Variants in TENM3 observed in about 807,000 individuals in gnomAD.
TENM3 encodes the protein teneurin transmembrane protein 3.
A neutral mutation model predicts 255.1 loss-of-function variants in TENM3; 63 were observed. That is an observed-to-expected ratio of 0.25 (90% CI 0.20 to 0.30). The LOEUF (loss-of-function observed/expected upper bound fraction) is 0.30, where lower values mean the gene tolerates loss of function less well. TENM3 is among the 10% of genes least tolerant of loss of function. The probability of loss-of-function intolerance (pLI) is 1.00; values close to 1 mark genes in which losing one functional copy is unlikely to be tolerated. For synonymous variants in TENM3, 1,306 were observed against 1,322.3 expected, an observed-to-expected ratio of 0.99 and a Z score of 0.27; for missense variants, 2,929 against 3,461.1, an observed-to-expected ratio of 0.85 and a Z score of 3.86.
the TENM3 span, among the ~76,000 whole-genome samples, chr4:181,673,886 G>C: frequency 6.8e-6 from 1 of 146,646 alleles, no homozygotes; most frequent in African/African-American, 2.5e-5. Context: ...GTGTGTGTGT[G>C]TGTGTTTTAG....
the TENM3 span, among the ~76,000 whole-genome samples, chr4:181,844,621 T>A: frequency 6.6e-6 from 1 of 150,616 alleles, no homozygotes; most frequent in Admixed American, 6.6e-5. Context: ...TGAGCTGAGA[T>A]CACACCACTG....
At chr4:182,173,422 A>T (rs1040689116) in intron 1 of TENM3, among the ~76,000 whole-genome samples, 1 of 152,184 alleles carries the variant, frequency 6.6e-6, no homozygotes, top group African/African-American at 2.4e-5. Flanking sequence ...TTGAGAATAA[A>T]TTTGTCCCTG....
At chr4:181,819,067 C>T in the TENM3 span, among the ~76,000 whole-genome samples, 1 of 152,170 alleles carries the variant, frequency 6.6e-6, no homozygotes, top group Non-Finnish European at 1.5e-5. Flanking sequence ...TTCACTTGCC[C>T]ATGAAGGTGA....
intron 1 of TENM3, among the ~76,000 whole-genome samples, chr4:182,213,649 C>T (rs1443789599): frequency 6.6e-6 from 1 of 152,124 alleles, no homozygotes; most frequent in Non-Finnish European, 1.5e-5. Context: ...TATTTAATGT[C>T]ATCTCAGTCA....
At chr4:181,606,260 T>C in the TENM3 span, among the ~76,000 whole-genome samples, 8 of 152,282 alleles carry the variant, frequency 5.3e-5, no homozygotes, top group East Asian at 9.7e-4. Flanking sequence ...TCAATGTCCA[T>C]GTTGTCCCAC....
intron 1 of TENM3, among the ~76,000 whole-genome samples, chr4:182,212,766 A>C (rs575294550): frequency 6.6e-6 from 1 of 152,222 alleles, no homozygotes; most frequent in Non-Finnish European, 1.5e-5. Flanking sequence ...AAGTGGAAGA[A>C]AATCAATTTT....
intron 3 of TENM3, among the ~76,000 whole-genome samples, chr4:182,459,522 T>A (rs569892786): frequency 6.6e-6 from 1 of 152,348 alleles, no homozygotes; most frequent in East Asian, 1.9e-4. Context: ...TAAACAAGAT[T>A]CGTGGCCTTT....
At chr4:182,166,287 T>G (rs1561159090) in intron 1 of TENM3, among the ~76,000 whole-genome samples, 1 of 152,146 alleles carries the variant, frequency 6.6e-6, no homozygotes, top group South Asian at 2.1e-4. Flanking sequence ...CATAGCACCT[T>G]TTTCTAAAGC....
intron 1 of TENM3, among the ~76,000 whole-genome samples, chr4:182,304,327 C>T (rs1259389136): frequency 1.3e-5 from 2 of 152,088 alleles, no homozygotes; most frequent in African/African-American, 4.8e-5. Context: ...ATTCTCCTCC[C>T]TCAGCCTCTC....
chr4:182,699,295 T>A (rs1277081897), intron 12 of TENM3, among the ~76,000 whole-genome samples: 1 of 152,218 alleles, frequency 6.6e-6, no homozygotes, highest in Non-Finnish European at 1.5e-5. Flanking sequence ...GAGCAATACA[T>A]AAGCAACTTG....
the TENM3 span, among the ~76,000 whole-genome samples, chr4:181,577,125 G>T: frequency 7.9e-6 from 1 of 127,338 alleles, no homozygotes; most frequent in African/African-American, 3.0e-5. Flanking sequence ...AATAAATTAT[G>T]TGTAATAATA....
intron 4 of TENM3, among the ~76,000 whole-genome samples, chr4:182,627,070 T>C (rs1448604277): frequency 2.6e-5 from 4 of 152,182 alleles, no homozygotes; most frequent in Non-Finnish European, 5.9e-5. Flanking sequence ...GTAGACCAGC[T>C]TCACTATTTT....
intron 3 of TENM3, among the ~76,000 whole-genome samples, chr4:182,364,014 C>G (rs951440909): frequency 1.3e-5 from 2 of 151,990 alleles, no homozygotes; most frequent in African/African-American, 4.8e-5. Context: ...GTATAGATGG[C>G]AGAGTACAAA....
chr4:182,103,119 A>C, the TENM3 span, among the ~76,000 whole-genome samples: 1 of 152,272 alleles, frequency 6.6e-6, no homozygotes, highest in Non-Finnish European at 1.5e-5. Context: ...CATGGGAATT[A>C]CACTAAACTG....
At chr4:181,920,124 A>C in the TENM3 span, among the ~76,000 whole-genome samples, 1 of 151,796 alleles carries the variant, frequency 6.6e-6, no homozygotes, top group African/African-American at 2.4e-5. Flanking sequence ...TTCTTAATCC[A>C]GTCTATCATT....
At chr4:182,721,445 A>C (rs76149349) in intron 13 of TENM3, among the ~76,000 whole-genome samples, 3,509 of 152,238 alleles carry the variant, frequency 0.023, 108 homozygotes, top group South Asian at 0.15. Context: ...AACCTGGTGT[A>C]CTAATTAATT....
At chr4:182,010,794 G>T in the TENM3 span, among the ~76,000 whole-genome samples, 1,395 of 152,198 alleles carry the variant, frequency 9.2e-3, 25 homozygotes, top group African/African-American at 0.032. Flanking sequence ...CCTTAGCAAG[G>T]TCCTATATGT....
At chr4:181,476,246 C>G in the TENM3 span, among the ~76,000 whole-genome samples, 1 of 148,110 alleles carries the variant, frequency 6.8e-6, no homozygotes, top group Non-Finnish European at 1.5e-5. Context: ...TATAGGCAAC[C>G]CTAGCACCAG....
chr4:181,456,418 C>A, the TENM3 span, among the ~76,000 whole-genome samples: 41 of 151,748 alleles, frequency 2.7e-4, no homozygotes, highest in Admixed American at 4.6e-4. Context: ...GAGTTTAAAA[C>A]CAAGGAACGA....
Sources: allele counts gnomAD v4.1 joint callset (sites outside exome capture counted in the v4.1 genomes callset), GRCh38; gene constraint gnomAD v4.1.1; transcripts MANE v1.5; gene names NCBI Gene and HGNC (gene_info 2026-07-23, HGNC 2026-07-21).